The following ZBTB8OS variants were observed in gnomAD, a reference collection of about 807,000 sequenced individuals.
ZBTB8OS encodes the protein tRNA-splicing ligase-activating factor archease.
In ZBTB8OS, 16 loss-of-function variants were observed where a neutral mutation model predicts 29.3. The observed-to-expected ratio is 0.55, with a 90% CI of 0.37 to 0.83. ZBTB8OS has a LOEUF of 0.83. ZBTB8OS is among the 40% of genes least tolerant of loss of function. ZBTB8OS has a pLI of 0.00. For missense variants in ZBTB8OS, 160 were observed against 196.9 expected (o/e 0.81, Z 1.12); for synonymous variants, 70 against 64.6 (o/e 1.08, Z -0.40).
chr1:32,629,198 C>G lies in ZBTB8OS; in HGVS notation c.381-1654G>C, dbSNP rs985101658. 4.6e-5 allele frequency among the ~76,000 whole-genome samples: 7 copies of G among 151,842 alleles called. No individual in the cohort carries two copies. In the East Asian group the frequency reaches 1.2e-3, roughly 25 times the overall value. ...GACTGAGGCAGGAAGATAGCTTGAG[C>G]TCAGGGGTTTGAGACCAGCCTGGGC... is the stretch of plus-strand genomic sequence containing the variant. On this transcript the variant is annotated intron_variant, in intron 5 of 6. Coordinates refer to ENST00000468695, the MANE Select transcript of ZBTB8OS (RefSeq NM_178547.5).
chr1:32,630,178 G>A (rs1047155610), intron 5 of ZBTB8OS, among the ~76,000 whole-genome samples: 2 of 152,196 alleles, frequency 1.3e-5, no homozygotes, highest in African/African-American at 4.8e-5. Context: ...GGCCACAGGA[G>A]TTAGAGACCA....
At chr1:32,643,716 T>C (rs786298) in intron 1 of ZBTB8OS, among the ~76,000 whole-genome samples, 149,284 of 152,010 alleles carry the variant, frequency 0.98, 73,363 homozygotes, top group East Asian at 1. Context: ...AGGCTGGTCT[T>C]GAACTCCTGA....
At chr1:32,641,845 C>T (rs1487755792) in intron 1 of ZBTB8OS, among the ~76,000 whole-genome samples, 2 of 151,870 alleles carry the variant, frequency 1.3e-5, no homozygotes, top group Non-Finnish European at 2.9e-5. Context: ...GGCGTGAACC[C>T]GGGAGACGGA....
At chr1:32,635,618 A>C (rs548679526) in intron 1 of ZBTB8OS, among the ~76,000 whole-genome samples, 38 of 152,234 alleles carry the variant, frequency 2.5e-4, no homozygotes, top group Admixed American at 1.5e-3. Flanking sequence ...AGGATCATAG[A>C]ATATTAGGGC....
Position 32,644,826 on chromosome 1 carries a change from C to T in ZBTB8OS, c.97+5607G>A, listed in dbSNP as rs192886311. On this transcript the variant is annotated intron_variant, in intron 1 of 6. Transcript: ENST00000468695. ...TCCCAAAGTGTTAGGATTATAGGCACGAGCCACCTCACCCAGGTGTTTAAT... is the reference window on the plus strand; with the variant it reads ...TCCCAAAGTGTTAGGATTATAGGCATGAGCCACCTCACCCAGGTGTTTAAT... Among the ~76,000 whole-genome samples the T allele has an allele frequency of 1.5e-4, 22 of 150,682 alleles. No individual in the cohort carries two copies. The East Asian group carries it at 3.9e-3, about 27-fold the overall frequency.
upstream of ZBTB8OS, chr1:32,650,640 A>G (rs1292823085): frequency 2.6e-6 from 4 of 1,509,596 alleles, no homozygotes; most frequent in East Asian, 1.0e-4. Flanking sequence ...AAAGGACCAC[A>G]CTCCTTTCTC....
At chr1:32,642,912 A>C (rs1646525585) in intron 1 of ZBTB8OS, among the ~76,000 whole-genome samples, 1 of 144,204 alleles carries the variant, frequency 6.9e-6, no homozygotes, top group Non-Finnish European at 1.5e-5. Flanking sequence ...CTGGGATTAC[A>C]GTCACGCGCC....
chr1:32,642,638 C>T (rs1288791737), intron 1 of ZBTB8OS, among the ~76,000 whole-genome samples: 2 of 150,168 alleles, frequency 1.3e-5, no homozygotes, highest in African/African-American at 4.9e-5. Context: ...AAGATGTTAA[C>T]TAACATCTGA....
chr1:32,627,514 G>A lies in ZBTB8OS; in HGVS notation c.411C>T (p.His137=), dbSNP rs1490809182. The A allele has an allele frequency of 1.2e-6, 2 of 1,613,778 alleles. No individual in the cohort carries two copies. The highest frequency in any genetic ancestry group is 2.2e-5 in the South Asian group (2 of 90,966). ...GWGEEFSLSK[H]PQGTEVKAIT... ...GCTGGATTTTAAAACATACCTGAGGGTGCTTGGACAATGAAAATTCTTCTC... is the reference window on the plus strand; with the variant it reads ...GCTGGATTTTAAAACATACCTGAGGATGCTTGGACAATGAAAATTCTTCTC... Residue 137 remains histidine (H), a synonymous_variant, in exon 6 of 7, where the codon CAC becomes CAT. Coordinates refer to ENST00000468695, the MANE Select transcript of ZBTB8OS (RefSeq NM_178547.5).
intron 5 of ZBTB8OS, among the ~76,000 whole-genome samples, chr1:32,628,698 ACTTTGG>A (rs1645309833): frequency 1.1e-4 from 17 of 151,252 alleles, no homozygotes; most frequent in Admixed American, 1.1e-3. Context: ...TAATCCCAGC[ACTTTGG>A]GAGGCAGAGG....
Position 32,650,473 on chromosome 1 carries a change from C to G in ZBTB8OS, c.57G>C (p.Ala19=), listed in dbSNP as rs1245217319. The change falls in exon 1 of 7, where the codon GCG becomes GCC. Residue 19 remains alanine, a synonymous_variant. Transcript: ENST00000468695. The part of the protein sequence containing the change: ...RDYNLTEEQK[A]IKAKYPPVNR... ...TGACTGGCGGATACTTGGCCTTGAT[C>G]GCCTTCTGTTCTTCAGTCAAATTGT... 6.2e-7 allele frequency: 1 copy of G among 1,614,174 alleles called. No individual in the cohort carries two copies.
At chr1:32,640,245 C>CG (rs1557798313) in intron 1 of ZBTB8OS, among the ~76,000 whole-genome samples, 1 of 151,914 alleles carries the variant, frequency 6.6e-6, no homozygotes, top group African/African-American at 2.4e-5. Context: ...TACAGGCGCA[C>CG]GCCACCACGC....
At chr1:32,647,138 TGAGA>T (rs1325024963) in intron 1 of ZBTB8OS, among the ~76,000 whole-genome samples, 3 of 143,680 alleles carry the variant, frequency 2.1e-5, no homozygotes, top group Non-Finnish European at 3.0e-5. Flanking sequence ...GCGGATCACC[TGAGA>T]TTGGAAGTTC....
chr1:32,629,749 CTTTTTTTTTTT>C (rs869185319), intron 5 of ZBTB8OS, among the ~76,000 whole-genome samples: 67 of 114,124 alleles, frequency 5.9e-4, no homozygotes, highest in African/African-American at 2.0e-3. Context: ...ATGCTTGTTT[CTTTTTTTTTTT>C]TTTTTTTTTT....
chr1:32,638,009 A>AT (rs1303501597), intron 1 of ZBTB8OS, among the ~76,000 whole-genome samples: 2 of 151,412 alleles, frequency 1.3e-5, no homozygotes, highest in East Asian at 3.9e-4. Flanking sequence ...AATTTTTTGT[A>AT]TTTTTTAAGT....
chr1:32,632,003 T>C (rs1239897524), intron 4 of ZBTB8OS, 124 bp from the exon 5 acceptor site: 2 of 444,564 alleles, frequency 4.5e-6, no homozygotes, highest in Non-Finnish European at 7.7e-6. Context: ...TTTTTTTTTT[T>C]TTTTTTTTTT....
chr1:32,638,266 C>G (rs753037577), intron 1 of ZBTB8OS, among the ~76,000 whole-genome samples: 2 of 135,936 alleles, frequency 1.5e-5, no homozygotes, highest in Non-Finnish European at 3.0e-5. Flanking sequence ...GACAGAGCCT[C>G]GCTGCAACTT....
At chr1:32,641,685 G>C (rs1194231639) in intron 1 of ZBTB8OS, among the ~76,000 whole-genome samples, 2 of 149,798 alleles carry the variant, frequency 1.3e-5, no homozygotes, top group Non-Finnish European at 3.0e-5. Context: ...AGGCCGAGGC[G>C]GGCGGATCAC....
chr1:32,649,861 T>C (rs1647185957), intron 1 of ZBTB8OS, among the ~76,000 whole-genome samples: 1 of 151,882 alleles, frequency 6.6e-6, no homozygotes, highest in Non-Finnish European at 1.5e-5. Context: ...ACGGGGTTTT[T>C]CCATGTTGGT....
Sources: allele counts gnomAD v4.1 joint callset (sites outside exome capture counted in the v4.1 genomes callset), GRCh38; gene constraint gnomAD v4.1.1; transcripts MANE v1.5; gene names NCBI Gene and HGNC (gene_info 2026-07-23, HGNC 2026-07-21).